STRA6: variants seen among roughly 807,000 people sequenced by gnomAD.
STRA6 encodes receptor for retinol uptake STRA6.
In STRA6, 48 loss-of-function variants were observed where a neutral mutation model predicts 83.6. The observed-to-expected ratio is 0.57, with a 90% CI of 0.46 to 0.73. The LOEUF (loss-of-function observed/expected upper bound fraction) is 0.73, where lower values mean the gene tolerates loss of function less well. Among genes scored for constraint, STRA6 ranks in the 30% least tolerant of loss-of-function variants. STRA6 has a pLI of 0.00. For missense variants in STRA6, 760 were observed against 838.8 expected, an observed-to-expected ratio of 0.91 and a Z score of 1.16; for synonymous variants, 353 against 362.3, an observed-to-expected ratio of 0.97 and a Z score of 0.29.
At chr15:74,202,568 CGCTGGCGCATCTGTCTGACCAACCACCA>C in intron 1 of STRA6, 117 bp downstream of exon 1, 1 of 1,474,526 alleles carries the variant, frequency 6.8e-7, no homozygotes, top group Non-Finnish European at 8.9e-7. Context: ...CCGGGGCTCC[CGCTGGCGCATCTGTCTGACCAACCACCA>C]GCAGGCGTGT....
intron 12 of STRA6, among the ~76,000 whole-genome samples, chr15:74,187,870 A>G (rs755376861): frequency 1.4e-4 from 21 of 152,166 alleles, no homozygotes; most frequent in Non-Finnish European, 2.6e-4. Context: ...TTTGTCTTTG[A>G]GCCTCAATGT....
intron 4 of STRA6, 47 bp from the exon 5 acceptor site, chr15:74,196,194 G>A: frequency 1.9e-6 from 3 of 1,608,706 alleles, no homozygotes; most frequent in Non-Finnish European, 8.5e-7. Context: ...CTCAGCCCCT[G>A]CACCCCCATT....
chr15:74,184,057 C>A (rs1289041168), intron 13 of STRA6, 68 bp from the exon 14 acceptor site: 1 of 1,598,144 alleles, frequency 6.3e-7, no homozygotes, highest in Non-Finnish European at 8.5e-7. Flanking sequence ...CTCCTCTGGG[C>A]CAGCAACTGG....
At chr15:74,194,001 C>T (rs1174382155) in intron 7 of STRA6, 79 bp from the exon 8 acceptor site, 6 of 1,586,160 alleles carry the variant, frequency 3.8e-6, no homozygotes, top group African/African-American at 1.3e-5. Context: ...GCCCTTCCCA[C>T]CTCACACTGG....
chr15:74,199,241 C>T (rs2073952294), intron 2 of STRA6, among the ~76,000 whole-genome samples: 1 of 152,262 alleles, frequency 6.6e-6, no homozygotes, highest in Non-Finnish European at 1.5e-5. Context: ...TCTGCTGGGT[C>T]AGCTCGGTCT....
At chr15:74,183,769 T>C in intron 14 of STRA6, 87 bp downstream of exon 14, 1 of 1,608,346 alleles carries the variant, frequency 6.2e-7, no homozygotes. Flanking sequence ...AGGGCAGTAC[T>C]TGCTGAGCAC....
At chr15:74,186,383 G>C (rs1464370575) in intron 12 of STRA6, among the ~76,000 whole-genome samples, 2 of 152,212 alleles carry the variant, frequency 1.3e-5, no homozygotes, top group Non-Finnish European at 2.9e-5. Context: ...CTGAGGCGGT[G>C]GATCACCTGG....
chr15:74,204,922 CA>C, upstream of STRA6, among the ~76,000 whole-genome samples: 1 of 149,440 alleles, frequency 6.7e-6, no homozygotes, highest in East Asian at 2.0e-4. Flanking sequence ...ACAAAAGAGG[CA>C]AACTCCATCT....
chr15:74,196,345 A>C (rs2073821922), intron 4 of STRA6, 198 bp from the exon 5 acceptor site: 4 of 857,696 alleles, frequency 4.7e-6, no homozygotes, highest in Non-Finnish European at 5.4e-6. Context: ...CCCGTGCCAA[A>C]GGGACTTGGG....
intron 8 of STRA6, 49 bp from the exon 9 acceptor site, chr15:74,191,540 T>TTA: frequency 6.6e-7 from 1 of 1,520,482 alleles, no homozygotes; most frequent in Non-Finnish European, 9.1e-7. Context: ...CCTCGACCCA[T>TTA]TCGTGGGTCC....
chr15:74,184,951 C>T lies in STRA6; in HGVS notation c.1166+29G>A, dbSNP rs767168583. ...GACTCCCACTCCTTCCCCACCTCGG[C>T]GCTGGGTGAGCCAGAGTCTGTCACT... is the stretch of plus-strand genomic sequence containing the variant. On this transcript the variant is annotated intron_variant, in intron 13 of 18. Transcript: ENST00000395105. 43 of 1,608,476 alleles carry T rather than the reference C, an allele frequency of 2.7e-5. No individual in the cohort carries two copies. In the Admixed American group the frequency reaches 4.9e-4, roughly 18 times the overall value.
At chr15:74,203,017 T>C, upstream of STRA6, 2 of 985,654 alleles carry the variant, frequency 2.0e-6, no homozygotes, top group Non-Finnish European at 2.4e-6. Context: ...CTTCAGCGCC[T>C]GCCCCAGAGC....
intron 7 of STRA6, 173 bp downstream of exon 7, chr15:74,195,129 C>T: frequency 6.7e-7 from 1 of 1,499,844 alleles, no homozygotes; most frequent in African/African-American, 1.4e-5. Context: ...CCCTGCCTCT[C>T]CTGCAGAGCA....
intron 11 of STRA6, 62 bp from the exon 12 acceptor site, chr15:74,189,339 G>A: frequency 6.5e-7 from 1 of 1,547,252 alleles, no homozygotes; most frequent in Non-Finnish European, 8.7e-7. Context: ...TAACAGGGGA[G>A]ACGCTGGGGA....
Position 74,181,294 on chromosome 15 carries a change from C to T in STRA6, c.1684+1G>A, listed in dbSNP as rs755941898. 1.2e-6 allele frequency: 2 copies of T among 1,613,036 alleles called. No homozygotes were observed. Among genetic ancestry groups the T allele is most frequent in the Non-Finnish European group, 1.7e-6 (2 of 1,179,834 alleles). On this transcript the variant is annotated splice_donor_variant, in intron 17 of 18. Transcript: ENST00000395105. LOFTEE classifies it high-confidence loss of function. The stretch of plus-strand genomic sequence containing the variant: ...CCTCCAGCCCCGCCCAGTGACCTTA[C>T]CGGGGTCGAGAGTGGCGGCTCTCGG...
At position 74,181,443 on chromosome 15, in the gene STRA6, T is replaced by G. The variant is rs1365352246; in HGVS notation, c.1536A>C (p.Ala512=). The part of the protein sequence containing the change: ...PQLTNRRVLY[A]ATFLLFPLNV... ...TGAGGGGGAAGAGAAGAAAGGTGGC[T>G]GCATAGAGCACTCGCCTAGGATGGG... Residue 512 remains alanine (A), a synonymous_variant, in exon 17 of 19, where the codon GCA becomes GCC. Coordinates refer to ENST00000395105, the MANE Select transcript of STRA6 (RefSeq NM_022369.4). The G allele has an allele frequency of 1.4e-5, 22 of 1,613,616 alleles. No individual in the cohort carries two copies. The highest frequency in any genetic ancestry group is 1.7e-5 in the Non-Finnish European group (20 of 1,179,922).
Position 74,179,961 on chromosome 15 carries a change from G to A in STRA6, c.*119C>T, listed in dbSNP as rs555506592. 2.6e-4 allele frequency: 363 copies of A among 1,382,304 alleles called. No homozygotes were observed. The African/African-American group carries it at 4.0e-3, about 15-fold the overall frequency. 85.6% of individuals were successfully genotyped at this position (1,382,304 alleles called of 1,614,324 possible). A position where few individuals can be genotyped will look rare whatever the true frequency, so the allele number is the denominator to read the frequency against. ...GACCTCCACCCAACCACAGTGATCC[G>A]GAGGACCTGCTGGCTGCATGGCTGG... On this transcript the variant is annotated 3_prime_UTR_variant, in exon 19 of 19. Transcript: ENST00000395105.
At chr15:74,204,903 C>G (rs981001063), upstream of STRA6, among the ~76,000 whole-genome samples, 2 of 151,842 alleles carry the variant, frequency 1.3e-5, no homozygotes, top group South Asian at 2.1e-4. Flanking sequence ...CCACTGCACT[C>G]CAGCCTGGAC....
At chr15:74,181,916 T>C (rs1199002777) in intron 16 of STRA6, among the ~76,000 whole-genome samples, 1 of 152,180 alleles carries the variant, frequency 6.6e-6, no homozygotes, top group African/African-American at 2.4e-5. Flanking sequence ...GCAGTACCGA[T>C]TCCCAAAGCA....
Sources: allele counts gnomAD v4.1 joint callset (sites outside exome capture counted in the v4.1 genomes callset), GRCh38; gene constraint gnomAD v4.1.1; transcripts MANE v1.5; gene names NCBI Gene and HGNC (gene_info 2026-07-23, HGNC 2026-07-21).